PRKN: variants seen among roughly 807,000 people sequenced by gnomAD.
PRKN encodes the protein E3 ubiquitin-protein ligase parkin.
PRKN carries 56 observed loss-of-function variants against 59.5 expected under a neutral mutation model. The ratio of observed to expected loss-of-function variants is 0.94; its 90% confidence interval spans 0.76 to 1.18. PRKN has a LOEUF of 1.18. Among genes scored for constraint, PRKN ranks in the 50% most tolerant of loss-of-function variants. The pLI is 0.00. For synonymous variants in PRKN, 250 were observed against 222.1 expected (o/e 1.13, Z -1.12); for missense variants, 657 against 596.4 (o/e 1.10, Z -1.06).
intron 7 of PRKN, among the ~76,000 whole-genome samples, chr6:161,608,140 A>C (rs1438563202): frequency 6.6e-6 from 1 of 152,102 alleles, no homozygotes; most frequent in Non-Finnish European, 1.5e-5. Context: ...CCTCAGGAGG[A>C]GTGGGACCTC....
intron 6 of PRKN, among the ~76,000 whole-genome samples, chr6:161,960,240 C>T (rs139845682): frequency 1.3e-5 from 2 of 152,332 alleles, no homozygotes; most frequent in South Asian, 2.1e-4. Flanking sequence ...CTCTTATTAT[C>T]TAGAAGGACA....
chr6:161,634,057 C>T (rs1562572046), intron 7 of PRKN, among the ~76,000 whole-genome samples: 1 of 150,034 alleles, frequency 6.7e-6, no homozygotes, highest in Non-Finnish European at 1.5e-5. Context: ...CCCCTAAAAC[C>T]CAAGCAACTT....
At chr6:162,549,237 A>G (rs994475960) in intron 1 of PRKN, among the ~76,000 whole-genome samples, 6 of 152,088 alleles carry the variant, frequency 3.9e-5, no homozygotes, top group Admixed American at 3.3e-4. Context: ...ACTTGCGGAC[A>G]CCTGACTTCC....
intron 6 of PRKN, among the ~76,000 whole-genome samples, chr6:161,850,574 C>CAA (rs10651778): frequency 0.42 from 36,921 of 87,902 alleles, 7,745 homozygotes; most frequent in East Asian, 0.58. Context: ...GACTACGTCT[C>CAA]AAAAAAAAAA....
At chr6:162,347,085 C>T (rs1784434915) in intron 2 of PRKN, among the ~76,000 whole-genome samples, 1 of 150,886 alleles carries the variant, frequency 6.6e-6, no homozygotes, top group South Asian at 2.1e-4. Flanking sequence ...TTTTAAAGAG[C>T]AAACTATTAT....
chr6:162,232,243 T>C (rs896634661), intron 3 of PRKN, among the ~76,000 whole-genome samples: 2 of 152,166 alleles, frequency 1.3e-5, no homozygotes, highest in African/African-American at 4.8e-5. Flanking sequence ...CTCACGGCAC[T>C]GTTGCTGACC....
chr6:162,051,317 A>G (rs1265539934), intron 5 of PRKN, among the ~76,000 whole-genome samples: 2 of 152,098 alleles, frequency 1.3e-5, no homozygotes, highest in Non-Finnish European at 2.9e-5. Context: ...AGCATCCCGA[A>G]TGCTCACACT....
intron 6 of PRKN, among the ~76,000 whole-genome samples, chr6:161,950,828 C>T (rs934034310): frequency 2.6e-5 from 4 of 151,670 alleles, no homozygotes; most frequent in African/African-American, 7.3e-5. Context: ...AATTGTACTG[C>T]GTCTTCGAGA....
chr6:161,678,974 T>C (rs760411891), intron 7 of PRKN, among the ~76,000 whole-genome samples: 4 of 152,132 alleles, frequency 2.6e-5, no homozygotes, highest in African/African-American at 4.8e-5. Flanking sequence ...GAGAAGTGAA[T>C]TGAGCTATTT....
At position 161,487,904 on chromosome 6, in the gene PRKN, T is replaced by C. The variant is rs530431813; in HGVS notation, c.1083+60950A>G. On this transcript the variant is annotated intron_variant, in intron 9 of 11. Transcript: ENST00000366898. The surrounding 1 kb of genome is among the most constrained non-coding windows in gnomAD (Gnocchi z 5.3). ...CCCCCTACCTTCCTTCCTCTTTTTC[T>C]TCCCTCCCGTCATTAAACACATATT... is the stretch of plus-strand genomic sequence containing the variant. Among the ~76,000 whole-genome samples, 3 of 152,284 alleles carry C rather than the reference T, an allele frequency of 2.0e-5. No homozygotes were observed. The East Asian group carries it at 5.8e-4, about 29-fold the overall frequency.
chr6:162,710,763 T>TA (rs71544948), intron 1 of PRKN, among the ~76,000 whole-genome samples: 97 of 151,016 alleles, frequency 6.4e-4, no homozygotes, highest in Middle Eastern at 3.4e-3. Flanking sequence ...CAAAGTACTT[T>TA]AAAAAAAAAC....
chr6:162,180,626 T>G (rs2128322934), intron 4 of PRKN, among the ~76,000 whole-genome samples: 1 of 152,344 alleles, frequency 6.6e-6, no homozygotes, highest in East Asian at 1.9e-4. Context: ...TTTCTCCTCC[T>G]TTTTCATATT....
intron 1 of PRKN, among the ~76,000 whole-genome samples, chr6:162,713,248 A>T (rs1778602327): frequency 6.6e-6 from 1 of 151,190 alleles, no homozygotes; most frequent in Non-Finnish European, 1.5e-5. Context: ...TAATCCCAGC[A>T]CTTTGGGAGA....
chr6:162,589,040 A>G (rs376118385), intron 1 of PRKN, among the ~76,000 whole-genome samples: 3 of 152,062 alleles, frequency 2.0e-5, no homozygotes, highest in African/African-American at 7.2e-5. Context: ...CCCCCTGCAA[A>G]GCACCCCACC....
At chr6:161,986,813 C>A (rs1039266862) in intron 5 of PRKN, among the ~76,000 whole-genome samples, 1 of 152,146 alleles carries the variant, frequency 6.6e-6, no homozygotes, top group Non-Finnish European at 1.5e-5. Flanking sequence ...GCAGCCACAG[C>A]AACTTCACAG....
At chr6:162,437,684 C>A (rs137900805) in intron 2 of PRKN, among the ~76,000 whole-genome samples, 1 of 152,074 alleles carries the variant, frequency 6.6e-6, no homozygotes, top group African/African-American at 2.4e-5. Context: ...ATTCAGTGTA[C>A]GATCTTTGGG....
intron 1 of PRKN, among the ~76,000 whole-genome samples, chr6:162,463,267 T>C (rs1159233028): frequency 6.6e-6 from 1 of 152,106 alleles, no homozygotes; most frequent in Non-Finnish European, 1.5e-5. Context: ...ACAACCACAA[T>C]TATACTCAAG....
chr6:161,651,690 A>T (rs1291940801), intron 7 of PRKN, among the ~76,000 whole-genome samples: 1 of 152,158 alleles, frequency 6.6e-6, no homozygotes, highest in Non-Finnish European at 1.5e-5. Context: ...CAGTGACTCA[A>T]AGAAAACCCT....
At chr6:161,737,791 A>G (rs896703134) in intron 7 of PRKN, among the ~76,000 whole-genome samples, 3 of 152,220 alleles carry the variant, frequency 2.0e-5, no homozygotes, top group Non-Finnish European at 2.9e-5. Context: ...GCACTCAAAA[A>G]GCAATCGCTG....
Sources: allele counts gnomAD v4.1 joint callset (sites outside exome capture counted in the v4.1 genomes callset), GRCh38; gene constraint gnomAD v4.1.1; non-coding constraint Gnocchi (gnomAD v3.1); transcripts MANE v1.5; gene names NCBI Gene and HGNC (gene_info 2026-07-23, HGNC 2026-07-21).